Variants in NAV1 observed in about 807,000 individuals in gnomAD.
The protein encoded by NAV1 is neuron navigator 1, also known as pore membrane and/or filament interacting like protein 3.
NAV1 carries 18 observed loss-of-function variants against 175.2 expected under a neutral mutation model. The observed-to-expected ratio is 0.10, with a 90% CI of 0.07 to 0.15. NAV1 has a LOEUF of 0.15. NAV1 is among the 10% of genes least tolerant of loss of function. The probability of loss-of-function intolerance (pLI) is 1.00; values close to 1 mark genes in which losing one functional copy is unlikely to be tolerated. For synonymous variants in NAV1, 897 were observed against 978.7 expected (o/e 0.92, Z 1.56); for missense variants, 1,731 against 2,436.6 (o/e 0.71, Z 6.10).
At chr1:201,587,885 A>G (rs1186521181) in intron 1 of NAV1, among the ~76,000 whole-genome samples, 1 of 152,236 alleles carries the variant, frequency 6.6e-6, no homozygotes, top group African/African-American at 2.4e-5. Context: ...CACAACTAGG[A>G]TGGCTAAAAT....
At chr1:201,611,351 A>T (rs921226182) in intron 2 of NAV1, among the ~76,000 whole-genome samples, 3 of 152,156 alleles carry the variant, frequency 2.0e-5, no homozygotes, top group Non-Finnish European at 4.4e-5. Context: ...ACGACATCTC[A>T]GCTCTTCCTC....
At chr1:201,711,434 G>C (rs1269150916) in intron 1 of NAV1, among the ~76,000 whole-genome samples, 1 of 147,108 alleles carries the variant, frequency 6.8e-6, no homozygotes, top group African/African-American at 2.5e-5. Flanking sequence ...CCTGCCAGCC[G>C]GCCTGAGCTT....
chr1:201,747,266 G>A (rs1348676180), intron 3 of NAV1, among the ~76,000 whole-genome samples: 1 of 152,196 alleles, frequency 6.6e-6, no homozygotes, highest in Non-Finnish European at 1.5e-5. Context: ...GTGCATGTGT[G>A]CATGTGTGAA....
chr1:201,673,276 C>G (rs1017133842), intron 1 of NAV1: 1 of 152,204 alleles, frequency 6.6e-6, no homozygotes, highest in South Asian at 2.1e-4. Context: ...GCGGCATCTA[C>G]GAGCAGAGCG....
intron 3 of NAV1, chr1:201,724,375 G>A (rs1672514591): frequency 6.6e-6 from 1 of 152,262 alleles, no homozygotes; most frequent in Non-Finnish European, 1.5e-5. Flanking sequence ...CAGGCACTGA[G>A]TAGAGGAGGC....
chr1:201,728,124 C>A (rs1413980298), intron 3 of NAV1, among the ~76,000 whole-genome samples: 2 of 151,992 alleles, frequency 1.3e-5, no homozygotes. Flanking sequence ...TTCTTTTTTT[C>A]TTTTTCTTTT....
Position 201,718,571 on chromosome 1 carries a change from C to T in NAV1, c.1042C>T (p.His348Tyr). 6.2e-7 allele frequency: 1 copy of T among 1,614,100 alleles called. No individual in the cohort carries two copies. Among genetic ancestry groups the T allele is most frequent in the Admixed American group, 1.7e-5 (1 of 60,028 alleles). ...GGAGGGGACGCCCGCCTGGTACATG[C>T]ACGGCGAACGGGCCCACTACTCCCA... The change falls in exon 3 of 30, where the codon CAC becomes TAC. Residue 348 changes from histidine (H) to tyrosine (Y), a missense_variant. Physicochemically the swap from His to Tyr is moderately conservative, Grantham distance 83 (BLOSUM62 2). Coordinates refer to ENST00000367296, the Ensembl canonical transcript of NAV1. This position sits in a 1 kb window ranked among gnomAD's most constrained non-coding sequence, Gnocchi z 4.8.
chr1:201,585,723 A>T (rs1029466807), intron 1 of NAV1, among the ~76,000 whole-genome samples: 10 of 152,188 alleles, frequency 6.6e-5, no homozygotes, highest in African/African-American at 2.2e-4. Flanking sequence ...GCTTAACATC[A>T]CTAGTTATTA....
At chr1:201,802,231 G>T (rs1483877740) in intron 15 of NAV1, among the ~76,000 whole-genome samples, 1 of 144,426 alleles carries the variant, frequency 6.9e-6, no homozygotes, top group Non-Finnish European at 1.5e-5. Context: ...TTTGAACCCA[G>T]GAGACGGAGG....
intron 14 of NAV1, chr1:201,794,240 C>T: frequency 3.2e-6 from 2 of 633,966 alleles, no homozygotes; most frequent in East Asian, 3.3e-5. Flanking sequence ...CAAACTCTGC[C>T]TCCCAGGTTC....
At position 201,585,056 on chromosome 1, in the gene NAV1, G is replaced by A. The variant is rs538146960; in HGVS notation, c.-143-3483G>A. 5.9e-5 allele frequency among the ~76,000 whole-genome samples: 9 copies of A among 152,136 alleles called. No individual in the cohort carries two copies. The South Asian group carries it at 1.7e-3, about 28-fold the overall frequency. On this transcript the variant is annotated intron_variant, in intron 1 of 33. Coordinates refer to the NAV1 transcript ENST00000685211. ...ACAACTAATAAGACAAATGCTTCCTGTCTTGAGTTCCCCATTCGGGTAGTT... is the reference window on the plus strand; with the variant it reads ...ACAACTAATAAGACAAATGCTTCCTATCTTGAGTTCCCCATTCGGGTAGTT...
chr1:201,621,332 CTTTTTTTTT>C (rs11422175), upstream of NAV1, among the ~76,000 whole-genome samples: 4 of 118,896 alleles, frequency 3.4e-5, no homozygotes, highest in African/African-American at 9.7e-5. Flanking sequence ...TCTTTTCTTT[CTTTTTTTTT>C]TTTTTTTTTT....
chr1:201,554,311 T>C (rs1386361334), intron 1 of NAV1, among the ~76,000 whole-genome samples: 1 of 152,060 alleles, frequency 6.6e-6, no homozygotes, highest in Non-Finnish European at 1.5e-5. Context: ...AGAAGTGACA[T>C]GATGAAGCTG....
chr1:201,657,392 T>C (rs1020340557), intron 1 of NAV1, among the ~76,000 whole-genome samples: 2 of 152,258 alleles, frequency 1.3e-5, no homozygotes, highest in Non-Finnish European at 2.9e-5. Flanking sequence ...CTCTGGATGC[T>C]TACAGATGAA....
chr1:201,662,087 G>T (rs1311848869), intron 1 of NAV1, among the ~76,000 whole-genome samples: 2 of 152,372 alleles, frequency 1.3e-5, no homozygotes, highest in Admixed American at 6.5e-5. Context: ...CCAGTGACCT[G>T]CCTCCTTAGC....
chr1:201,702,845 A>T (rs982368329), intron 1 of NAV1, among the ~76,000 whole-genome samples: 2 of 151,296 alleles, frequency 1.3e-5, no homozygotes, highest in Admixed American at 6.6e-5. Context: ...AGCTTACTCA[A>T]CCTCCCCAGG....
At chr1:201,758,037 A>G (rs59188754) in intron 3 of NAV1, among the ~76,000 whole-genome samples, 1,867 of 152,286 alleles carry the variant, frequency 0.012, 40 homozygotes, top group African/African-American at 0.042. Flanking sequence ...GTGGGGACTC[A>G]TCCGGCATTT....
chr1:201,815,026 G>A (rs1283030269), intron 28 of NAV1, among the ~76,000 whole-genome samples: 6 of 145,612 alleles, frequency 4.1e-5, no homozygotes, highest in Non-Finnish European at 9.0e-5. Flanking sequence ...GGTGACAGAG[G>A]GAGACTCTGT....
chr1:201,553,942 T>G (rs868531890), intron 1 of NAV1, among the ~76,000 whole-genome samples: 4 of 152,240 alleles, frequency 2.6e-5, no homozygotes, highest in Admixed American at 2.0e-4. Flanking sequence ...CCAGCATCAA[T>G]AGAGTATCTG....
Sources: gnomAD v4.1 joint callset for allele counts (sites outside exome capture counted in the v4.1 genomes callset) on GRCh38, gnomAD v4.1.1 for gene constraint, Gnocchi (gnomAD v3.1) non-coding constraint, MANE v1.5 for transcripts, NCBI Gene and HGNC (gene_info 2026-07-23, HGNC 2026-07-21) for gene names.